The following RHBDL3 variants were observed in gnomAD, a reference collection of about 807,000 sequenced individuals.
The protein encoded by RHBDL3 is rhomboid-related protein 3.
A neutral mutation model predicts 48.2 loss-of-function variants in RHBDL3; 28 were observed. That is an observed-to-expected ratio of 0.58 (90% CI 0.43 to 0.80). The LOEUF (loss-of-function observed/expected upper bound fraction) is 0.80, where lower values mean the gene tolerates loss of function less well. Among genes scored for constraint, RHBDL3 ranks in the 30% least tolerant of loss-of-function variants. The pLI is 0.00. For synonymous variants in RHBDL3, 208 were observed against 232.3 expected, an observed-to-expected ratio of 0.90 and a Z score of 0.95; for missense variants, 464 against 542.7, an observed-to-expected ratio of 0.85 and a Z score of 1.44.
intron 6 of RHBDL3, among the ~76,000 whole-genome samples, chr17:32,299,149 T>G (rs1207786852): frequency 1.3e-5 from 2 of 151,876 alleles, no homozygotes; most frequent in African/African-American, 4.8e-5. Flanking sequence ...TCTTAATCCT[T>G]TCTGAGTGGT....
At chr17:32,305,510 A>T (rs1337097834) in intron 7 of RHBDL3, 69 bp downstream of exon 7, 1 of 1,145,732 alleles carries the variant, frequency 8.7e-7, no homozygotes, top group African/African-American at 1.5e-5. Context: ...CTGAGTATTA[A>T]TCCACTGGGG....
intron 7 of RHBDL3, among the ~76,000 whole-genome samples, chr17:32,313,362 AGTC>A (rs1383603495): frequency 6.6e-6 from 1 of 152,190 alleles, no homozygotes; most frequent in East Asian, 1.9e-4. Context: ...TCTCTTAAAA[AGTC>A]TTCTGTACTT....
intron 6 of RHBDL3, among the ~76,000 whole-genome samples, chr17:32,302,601 G>A (rs1333286666): frequency 6.6e-6 from 1 of 151,134 alleles, no homozygotes; most frequent in Non-Finnish European, 1.5e-5. Flanking sequence ...GATTGGTCTC[G>A]AACTCCTGAC....
intron 3 of RHBDL3, among the ~76,000 whole-genome samples, chr17:32,285,660 C>T (rs1409634302): frequency 3.3e-5 from 5 of 152,112 alleles, no homozygotes; most frequent in Admixed American, 2.0e-4. Flanking sequence ...AGTAGAAAAG[C>T]GGGGTGAACA....
At chr17:32,270,782 T>C (rs1597607391) in intron 2 of RHBDL3, among the ~76,000 whole-genome samples, 1 of 152,016 alleles carries the variant, frequency 6.6e-6, no homozygotes, top group Admixed American at 6.5e-5. Context: ...CTGTTCAAAC[T>C]TCTTCTTGAG....
At position 32,321,052 on chromosome 17, in the gene RHBDL3, C is replaced by T. The variant is rs953921028; in HGVS notation, c.1038C>T (p.Gly346=). The part of the protein sequence containing the change: ...PHPSFVAHLG[G]VAVGITLGVV... ...CAAGCTTTGTGGCGCACTTGGGTGG[C>T]GTGGCCGTGGGCATCACCCTGGGCG... The change falls in exon 9 of 9, where the codon GGC becomes GGT. Residue 346 remains glycine (G), a synonymous_variant. Coordinates refer to ENST00000269051, the MANE Select transcript of RHBDL3 (RefSeq NM_138328.3). 10 of 1,614,160 alleles carry T rather than the reference C, an allele frequency of 6.2e-6. No homozygotes were observed. The highest frequency in any genetic ancestry group is 1.1e-5 in the South Asian group (1 of 91,092).
At chr17:32,279,592 GTCCTGTAGC>G (rs2039994359) in intron 2 of RHBDL3, among the ~76,000 whole-genome samples, 1 of 152,214 alleles carries the variant, frequency 6.6e-6, no homozygotes, top group African/African-American at 2.4e-5. Context: ...GATCCCGAAT[GTCCTGTAGC>G]CCCTTGACTG....
intron 2 of RHBDL3, among the ~76,000 whole-genome samples, chr17:32,271,543 G>A (rs1482739753): frequency 6.6e-6 from 1 of 152,186 alleles, no homozygotes; most frequent in Non-Finnish European, 1.5e-5. Flanking sequence ...AGGCCAAATA[G>A]CGGGGCAGTG....
At chr17:32,295,848 A>G (rs561435411) in intron 5 of RHBDL3, among the ~76,000 whole-genome samples, 1 of 152,340 alleles carries the variant, frequency 6.6e-6, no homozygotes, top group South Asian at 2.1e-4. Flanking sequence ...TTCTGGTCAC[A>G]TGCACACAGC....
At position 32,284,795 on chromosome 17, in the gene RHBDL3, G is replaced by A. The variant is rs201421585; in HGVS notation, c.272G>A (p.Gly91Asp). 3 of 1,613,940 alleles carry A rather than the reference G, an allele frequency of 1.9e-6. No homozygotes were observed. The highest frequency in any genetic ancestry group is 1.3e-5 in the African/African-American group (1 of 75,068). Residue 91 changes from glycine to aspartate, a missense_variant, in exon 3 of 9, where the codon GGC becomes GAC. By Grantham distance (94) the Gly-to-Asp change is moderately conservative. Transcript: ENST00000269051. Reference sequence around the variant, plus strand: ...GACAGCCACGCGGATGGGCAGATCGGCTACCAGGATTTTGTCAGCCTAGTG... The same window carrying A: ...GACAGCCACGCGGATGGGCAGATCGACTACCAGGATTTTGTCAGCCTAGTG... ...LADSHADGQI[G>D]YQDFVSLMSN... is the part of the protein sequence containing the mutation.
intron 2 of RHBDL3, among the ~76,000 whole-genome samples, chr17:32,272,356 C>T (rs567804833): frequency 6.6e-6 from 1 of 152,304 alleles, no homozygotes; most frequent in South Asian, 2.1e-4. Flanking sequence ...TTTGTAGTCC[C>T]CCCTGCAAGC....
At chr17:32,288,109 C>T (rs969541921) in intron 3 of RHBDL3, 1 of 152,336 alleles carries the variant, frequency 6.6e-6, no homozygotes, top group African/African-American at 2.4e-5. Flanking sequence ...TGGGTTTTGG[C>T]TCTGGGTGCC....
At chr17:32,269,856 A>G (rs944939546) in intron 2 of RHBDL3, among the ~76,000 whole-genome samples, 2 of 152,206 alleles carry the variant, frequency 1.3e-5, no homozygotes, top group African/African-American at 4.8e-5. Flanking sequence ...GGTGAAAGGA[A>G]GAGAGCTTTT....
chr17:32,322,773 T>G lies in RHBDL3; in HGVS notation c.*1544T>G, dbSNP rs2041167356. The G allele has an allele frequency of 6.6e-6, 1 of 152,314 alleles. No individual in the cohort carries two copies. Among genetic ancestry groups the G allele is most frequent in the Non-Finnish European group, 1.5e-5 (1 of 68,106 alleles). The allele number at this position is 152,314 out of a possible 1,614,324, so 9.4% of individuals were successfully genotyped here. On this transcript the variant is annotated 3_prime_UTR_variant, in exon 9 of 9. Coordinates refer to ENST00000269051, the MANE Select transcript of RHBDL3 (RefSeq NM_138328.3). ...AGGGAATGACCCTCCTAACAGGAGC[T>G]GGTGCAGGCCCCGAATGGAGGGCAT...
In RHBDL3 at chr17:32,294,277, C is replaced by CT. The variant is rs1300213975; in HGVS notation, c.520-16dup. The CT allele has an allele frequency of 6.2e-7, 1 of 1,611,772 alleles. No individual in the cohort carries two copies. The highest frequency in any genetic ancestry group is 2.2e-5 in the East Asian group (1 of 44,820). ...GGCAGTGTGCACCTAGTAACAGACT[C>CT]TCTCTCTTCTGTCCAGGTTGCCTTT... On this transcript the variant is annotated splice_polypyrimidine_tract_variant and intron_variant, in intron 4 of 8. Transcript: ENST00000269051.
intron 2 of RHBDL3, among the ~76,000 whole-genome samples, chr17:32,270,132 C>CAAAAA (rs66986205): frequency 2.9e-5 from 2 of 68,098 alleles, no homozygotes; most frequent in African/African-American, 1.1e-4. Context: ...GACCCTTTCT[C>CAAAAA]AAAAAAAAAA....
Position 32,322,732 on chromosome 17 carries a change from T to G in RHBDL3, c.*1503T>G, listed in dbSNP as rs935441478. On this transcript the variant is annotated 3_prime_UTR_variant, in exon 9 of 9. Transcript: ENST00000269051. ...AATCCACCCCACCCCATTACACAGG[T>G]GAGAAAACAAGATGGAGGGAATGAC... 6.6e-6 allele frequency: 1 copy of G among 151,918 alleles called. No homozygotes were observed. 9.4% of individuals were successfully genotyped at this position (151,918 alleles called of 1,614,324 possible).
rs764586713 is a variant in RHBDL3 at position 32,288,841 on chromosome 17, A to C, written c.344A>C (p.Asn115Thr). Residue 115 changes from asparagine (N) to threonine (T), a missense_variant, in exon 4 of 9, where the codon AAC becomes ACC. Physicochemically the swap from Asn to Thr is moderately conservative, Grantham distance 65 (BLOSUM62 0). Coordinates refer to ENST00000269051, the MANE Select transcript of RHBDL3 (RefSeq NM_138328.3). ...TTCCGCCAAGCCATCCTGCAGGGCAACCGCAGGCTAAGCAGCAAGGCCCTG... is the reference window on the plus strand; with the variant it reads ...TTCCGCCAAGCCATCCTGCAGGGCACCCGCAGGCTAAGCAGCAAGGCCCTG... ...NSFRQAILQG[N>T]RRLSSKALLE... The C allele has an allele frequency of 6.2e-7, 1 of 1,614,038 alleles. No homozygotes were observed. Among genetic ancestry groups the C allele is most frequent in the Non-Finnish European group, 8.5e-7 (1 of 1,179,972 alleles).
intron 2 of RHBDL3, among the ~76,000 whole-genome samples, chr17:32,272,130 T>C (rs528381314): frequency 1.3e-5 from 2 of 152,388 alleles, no homozygotes; most frequent in Admixed American, 1.3e-4. Flanking sequence ...TTGCAATATC[T>C]GATTTGCAGT....
Sources: allele counts gnomAD v4.1 joint callset (sites outside exome capture counted in the v4.1 genomes callset), GRCh38; gene constraint gnomAD v4.1.1; transcripts MANE v1.5; gene names NCBI Gene and HGNC (gene_info 2026-07-23, HGNC 2026-07-21).